The following MAST4 variants were observed in gnomAD, a reference collection of about 807,000 sequenced individuals.
MAST4 encodes the protein microtubule associated serine/threonine kinase family member 4.
MAST4 carries 89 observed loss-of-function variants against 162.7 expected under a neutral mutation model. That is an observed-to-expected ratio of 0.55 (90% CI 0.46 to 0.65). MAST4 has a LOEUF of 0.65. MAST4 is among the 30% of genes least tolerant of loss of function. The pLI is 0.00. For missense variants in MAST4, 3,153 were observed against 3,374.0 expected, an observed-to-expected ratio of 0.93 and a Z score of 1.62; for synonymous variants, 1,479 against 1,361.1, an observed-to-expected ratio of 1.09 and a Z score of -1.91.
At chr5:66,844,230 T>C (rs924321047) in intron 3 of MAST4, among the ~76,000 whole-genome samples, 40 of 150,396 alleles carry the variant, frequency 2.7e-4, no homozygotes, top group African/African-American at 9.8e-4. Flanking sequence ...TGTTGGTTTC[T>C]GCTATCCACA....
chr5:66,755,298 A>C (rs1580374580), intron 1 of MAST4, among the ~76,000 whole-genome samples: 1 of 152,358 alleles, frequency 6.6e-6, no homozygotes, highest in East Asian at 1.9e-4. Flanking sequence ...TAGAGAAAAC[A>C]GAATTGCCAT....
intron 1 of MAST4, among the ~76,000 whole-genome samples, chr5:66,649,441 A>G (rs1746070022): frequency 6.6e-6 from 1 of 152,118 alleles, no homozygotes; most frequent in Non-Finnish European, 1.5e-5. Flanking sequence ...AGTGGGCCAT[A>G]CCCTCACCCT....
chr5:66,664,352 T>C (rs1354415605), intron 1 of MAST4, among the ~76,000 whole-genome samples: 1 of 148,586 alleles, frequency 6.7e-6, no homozygotes, highest in Admixed American at 6.8e-5. Flanking sequence ...GGAGAATCGC[T>C]TGAACCCGGG....
Position 67,136,559 on chromosome 5 carries a change from C to G in MAST4, c.2393-4C>G. On this transcript the variant is annotated splice_region_variant and splice_polypyrimidine_tract_variant and intron_variant, in intron 18 of 28. Coordinates refer to ENST00000403625, the MANE Select transcript of MAST4 (RefSeq NM_001164664.2). ...TGGTTATAAACAACTTTTCTTCCTT[C>G]TAGATGAGATCAACTGGCCTGAGAA... The G allele has an allele frequency of 6.3e-7, 1 of 1,595,024 alleles. No individual in the cohort carries two copies. Among genetic ancestry groups the G allele is most frequent in the Non-Finnish European group, 8.5e-7 (1 of 1,169,608 alleles).
intron 22 of MAST4, among the ~76,000 whole-genome samples, 170 bp downstream of exon 22, chr5:67,144,966 C>T (rs1341722276): frequency 6.6e-6 from 1 of 152,150 alleles, no homozygotes; most frequent in Non-Finnish European, 1.5e-5. Flanking sequence ...GCATTTCTGA[C>T]AAGTATCTAG....
intron 4 of MAST4, among the ~76,000 whole-genome samples, chr5:66,959,945 G>A (rs533611797): frequency 6.6e-5 from 10 of 152,150 alleles, no homozygotes; most frequent in Middle Eastern, 3.4e-3. Flanking sequence ...AATTTGTGGC[G>A]CAGAAGTTAG....
intron 1 of MAST4, among the ~76,000 whole-genome samples, chr5:66,721,299 T>C (rs1012776363): frequency 2.0e-5 from 3 of 152,170 alleles, no homozygotes; most frequent in Non-Finnish European, 4.4e-5. Flanking sequence ...ACCCAGACTA[T>C]AGGCTTTCAT....
chr5:66,886,672 A>G (rs1352960240), intron 3 of MAST4, among the ~76,000 whole-genome samples: 1 of 149,000 alleles, frequency 6.7e-6, no homozygotes, highest in East Asian at 2.0e-4. Context: ...TAAGCATGCC[A>G]ATCCAATATG....
chr5:66,890,735 T>C (rs1351942805), intron 3 of MAST4, among the ~76,000 whole-genome samples: 1 of 152,184 alleles, frequency 6.6e-6, no homozygotes, highest in Non-Finnish European at 1.5e-5. Context: ...AGTCATTACT[T>C]GGTGATGAAA....
intron 14 of MAST4, among the ~76,000 whole-genome samples, chr5:67,129,099 A>G (rs1768608741): frequency 6.6e-6 from 1 of 152,154 alleles, no homozygotes; most frequent in African/African-American, 2.4e-5. Flanking sequence ...CTTTAGGCAG[A>G]GATTGAGTGT....
intron 5 of MAST4, among the ~76,000 whole-genome samples, chr5:67,064,804 G>C (rs1398178613): frequency 1.3e-5 from 2 of 151,966 alleles, no homozygotes; most frequent in South Asian, 2.1e-4. Context: ...GAATTCTTGA[G>C]GTTAGATTCT....
At chr5:66,735,621 A>C (rs942162457) in intron 1 of MAST4, among the ~76,000 whole-genome samples, 3 of 152,198 alleles carry the variant, frequency 2.0e-5, no homozygotes, top group African/African-American at 7.2e-5. Context: ...CAATTTGTGG[A>C]TAACCTAAAT....
intron 5 of MAST4, among the ~76,000 whole-genome samples, chr5:67,075,190 AG>A (rs1347422777): frequency 1.2e-3 from 122 of 102,510 alleles, no homozygotes; most frequent in African/African-American, 5.1e-3. Context: ...GTTCCTTTTT[AG>A]AGAGAGTTTT....
chr5:66,758,650 T>G lies in MAST4; in HGVS notation c.364-1059T>G, dbSNP rs538592569. Among the ~76,000 whole-genome samples the G allele has an allele frequency of 4.6e-5, 7 of 152,352 alleles. No individual in the cohort carries two copies. In the East Asian group the frequency reaches 1.4e-3, roughly 29 times the overall value. On this transcript the variant is annotated intron_variant, in intron 1 of 28. Transcript: ENST00000403625. ...ATGGATGACCTAGTCTCCAGATTTC[T>G]ATTTCTTATAAATACATCCATGATA... is the stretch of plus-strand genomic sequence containing the variant.
intron 4 of MAST4, among the ~76,000 whole-genome samples, chr5:67,040,441 G>C (rs1408121812): frequency 6.6e-6 from 1 of 152,180 alleles, no homozygotes; most frequent in Non-Finnish European, 1.5e-5. Flanking sequence ...GTGGAGGAAG[G>C]AGCGTCTATA....
At chr5:66,770,770 T>C (rs1052832585) in intron 2 of MAST4, among the ~76,000 whole-genome samples, 1 of 152,228 alleles carries the variant, frequency 6.6e-6, no homozygotes, top group Non-Finnish European at 1.5e-5. Flanking sequence ...CAGGCTTCAT[T>C]AGCAAATTGG....
intron 4 of MAST4, among the ~76,000 whole-genome samples, chr5:66,907,121 T>C (rs1456339675): frequency 2.7e-5 from 4 of 147,878 alleles, no homozygotes; most frequent in Admixed American, 2.7e-4. Context: ...GAAAATGGAA[T>C]TTACTTGGTG....
chr5:66,656,677 C>T (rs1746572120), intron 1 of MAST4, among the ~76,000 whole-genome samples: 1 of 152,180 alleles, frequency 6.6e-6, no homozygotes, highest in South Asian at 2.1e-4. Flanking sequence ...TAAGGTAGCT[C>T]ACTTTATTGG....
chr5:67,131,363 G>T (rs564630917), intron 15 of MAST4, among the ~76,000 whole-genome samples: 19 of 152,126 alleles, frequency 1.2e-4, no homozygotes, highest in South Asian at 2.1e-4. Context: ...TTTAATTCTC[G>T]TAAGAATTCT....
Sources: allele counts gnomAD v4.1 joint callset (sites outside exome capture counted in the v4.1 genomes callset), GRCh38; gene constraint gnomAD v4.1.1; transcripts MANE v1.5; gene names NCBI Gene and HGNC (gene_info 2026-07-23, HGNC 2026-07-21).